TIPIN: variants seen among roughly 807,000 people sequenced by gnomAD.
TIPIN encodes the protein TIMELESS-interacting protein.
Under a neutral mutation model 35.6 loss-of-function variants are expected in TIPIN, and 29 were observed. The ratio of observed to expected loss-of-function variants is 0.82; its 90% CI spans 0.61 to 1.11. The LOEUF (loss-of-function observed/expected upper bound fraction) is 1.11. TIPIN is among the 50% of genes most tolerant of loss of function. TIPIN has a pLI of 0.00. For missense variants in TIPIN, 296 were observed against 345.4 expected (o/e 0.86, Z 1.13); for synonymous variants, 102 against 121.5 (o/e 0.84, Z 1.06).
intron 7 of TIPIN, among the ~76,000 whole-genome samples, chr15:66,340,284 TCTC>T (rs1202788737): frequency 6.8e-6 from 1 of 146,320 alleles, no homozygotes; most frequent in African/African-American, 2.5e-5. Flanking sequence ...TTCAAGCAAT[TCTC>T]CTGCCTCAGC....
intron 1 of TIPIN, among the ~76,000 whole-genome samples, chr15:66,386,070 G>T (rs1231757605): frequency 6.6e-6 from 1 of 152,144 alleles, no homozygotes; most frequent in Non-Finnish European, 1.5e-5. Context: ...CTCCTGGCCC[G>T]AAAGAGTGTT....
At chr15:66,374,752 T>C (rs567002345) in intron 1 of TIPIN, among the ~76,000 whole-genome samples, 72 of 152,252 alleles carry the variant, frequency 4.7e-4, no homozygotes, top group African/African-American at 1.6e-3. Flanking sequence ...GCTAATTTTT[T>C]TGTATTTTTA....
intron 1 of TIPIN, chr15:66,382,279 G>C (rs2093321360): frequency 1.1e-6 from 1 of 893,714 alleles, no homozygotes; most frequent in Non-Finnish European, 1.3e-6. Flanking sequence ...GGCAGAACTG[G>C]AATTAATCTC....
At chr15:66,364,181 T>C (rs1333610461) in intron 1 of TIPIN, among the ~76,000 whole-genome samples, 1 of 145,442 alleles carries the variant, frequency 6.9e-6, no homozygotes, top group Non-Finnish European at 1.5e-5. Context: ...TTTTTTTTTT[T>C]TGAGACAGAG....
Position 66,341,346 on chromosome 15 carries a change from C to T in TIPIN, c.486G>A (p.Ala162=), listed in dbSNP as rs763784155. ...AAGTGACATCATGTTCATTATTCTC[C>T]GCAACTTCATCTGCAATAGAAAAGA... ...EDFVSNNDEV[A]ENNEHDVTST... is the part of the protein sequence containing the mutation. Residue 162 remains alanine (A), a synonymous_variant, in exon 7 of 8, where the codon GCG becomes GCA. Transcript: ENST00000261881. 3.0e-5 allele frequency: 48 copies of T among 1,611,620 alleles called. No individual in the cohort carries two copies. Among genetic ancestry groups the T allele is most frequent in the Middle Eastern group, 1.6e-4 (1 of 6,074 alleles).
chr15:66,373,176 T>C (rs1345162179), intron 1 of TIPIN, among the ~76,000 whole-genome samples: 2 of 152,084 alleles, frequency 1.3e-5, no homozygotes, highest in African/African-American at 2.4e-5. Context: ...CATTATGCAA[T>C]ACATGACTGT....
intron 1 of TIPIN, among the ~76,000 whole-genome samples, chr15:66,365,281 TATACATA>T (rs71447900): frequency 0.079 from 12,084 of 152,006 alleles, 618 homozygotes; most frequent in Admixed American, 0.11. Flanking sequence ...CATAATACAT[TATACATA>T]ATACATAATA....
At chr15:66,344,560 G>A (rs977324481) in intron 6 of TIPIN, among the ~76,000 whole-genome samples, 1 of 152,026 alleles carries the variant, frequency 6.6e-6, no homozygotes, top group Non-Finnish European at 1.5e-5. Flanking sequence ...GGATTAAAAT[G>A]AGATTTAAAG....
intron 4 of TIPIN, 91 bp downstream of exon 4, chr15:66,351,433 TA>T: frequency 2.2e-6 from 2 of 924,226 alleles, no homozygotes; most frequent in Non-Finnish European, 3.5e-6. Flanking sequence ...GATAGTATCT[TA>T]AAGCATTCTG....
intron 1 of TIPIN, among the ~76,000 whole-genome samples, chr15:66,354,423 G>A (rs1296428049): frequency 2.6e-5 from 4 of 152,076 alleles, no homozygotes; most frequent in African/African-American, 9.7e-5. Flanking sequence ...CCTTGAATCT[G>A]TCTATTTCTC....
At chr15:66,356,840 G>T (rs2093207619), upstream of TIPIN, 1 of 512,800 alleles carries the variant, frequency 2.0e-6, no homozygotes, top group Non-Finnish European at 2.5e-6. Context: ...CACAATTTCC[G>T]CCCTACTGAA....
chr15:66,337,112 T>G lies in TIPIN; in HGVS notation c.752A>C (p.Glu251Ala), dbSNP rs1250395853. The change falls in exon 8 of 8, where the codon GAG (glutamate) becomes GCG (alanine). Residue 251 changes from glutamate (E) to alanine (A), a missense_variant. Glu to Ala is a moderately radical substitution (Grantham distance 107, BLOSUM62 -1). Transcript: ENST00000261881. ...EVNTDEDQKE[E>A]SNGLNEDILD... The stretch of plus-strand genomic sequence containing the variant: ...AATGTCTTCGTTTAATCCATTTGAC[T>G]CCTCCTTTTGATCCTCATCAGTATT... 4 of 1,614,068 alleles carry G rather than the reference T, an allele frequency of 2.5e-6. No homozygotes were observed. Among genetic ancestry groups the G allele is most frequent in the East Asian group, 2.2e-5 (1 of 44,864 alleles).
chr15:66,336,862 C>G lies in TIPIN; in HGVS notation c.*96G>C. On this transcript the variant is annotated 3_prime_UTR_variant, in exon 8 of 8. Transcript: ENST00000261881. ...TAAACAATAATCTATAACAGTTTTA[C>G]TATCTAAGGATTTTCACTCCAAGAA... 1 of 937,650 alleles carries G rather than the reference C, an allele frequency of 1.1e-6. No individual in the cohort carries two copies. The highest frequency in any genetic ancestry group is 1.6e-5 in the South Asian group (1 of 61,346). 58.1% of individuals were successfully genotyped at this position (937,650 alleles called of 1,614,324 possible).
At chr15:66,340,753 C>T (rs1482958070) in intron 7 of TIPIN, among the ~76,000 whole-genome samples, 1 of 151,634 alleles carries the variant, frequency 6.6e-6, no homozygotes, top group Non-Finnish European at 1.5e-5. Flanking sequence ...TGCACCACCA[C>T]ACCTGGCTAA....
chr15:66,344,815 T>C (rs1285873781), intron 6 of TIPIN, among the ~76,000 whole-genome samples: 1 of 152,048 alleles, frequency 6.6e-6, no homozygotes, highest in African/African-American at 2.4e-5. Context: ...GCTGCAGAGC[T>C]ATGATCATGC....
chr15:66,384,835 T>C (rs933987158), intron 1 of TIPIN, among the ~76,000 whole-genome samples: 1 of 151,894 alleles, frequency 6.6e-6, no homozygotes, highest in Non-Finnish European at 1.5e-5. Flanking sequence ...TCACTTGAGC[T>C]TGGGAGGTGG....
At chr15:66,347,380 T>C in intron 6 of TIPIN, 1 of 450,278 alleles carries the variant, frequency 2.2e-6, no homozygotes, top group South Asian at 1.6e-5. Flanking sequence ...AGAGCTGCGC[T>C]CCAAGTGAAA....
Position 66,352,112 on chromosome 15 carries a change from G to C in TIPIN, c.212+17C>G, listed in dbSNP as rs1333334870. On this transcript the variant is annotated intron_variant, in intron 3 of 7. Coordinates refer to ENST00000261881, the MANE Select transcript of TIPIN (RefSeq NM_017858.3). ...AAAAATAAAAAGTATAAATGTATAA[G>C]AATATAGTAAATGTACCTCTGAGCA... 6.4e-7 allele frequency: 1 copy of C among 1,554,656 alleles called. No individual in the cohort carries two copies. Among genetic ancestry groups the C allele is most frequent in the Non-Finnish European group, 8.8e-7 (1 of 1,138,360 alleles).
chr15:66,362,974 G>C (rs1275129719), intron 1 of TIPIN, among the ~76,000 whole-genome samples: 1 of 152,146 alleles, frequency 6.6e-6, no homozygotes, highest in Non-Finnish European at 1.5e-5. Flanking sequence ...GCCCAAACTG[G>C]CATGCCCAAA....
Sources: gnomAD v4.1 joint callset for allele counts (sites outside exome capture counted in the v4.1 genomes callset) on GRCh38, gnomAD v4.1.1 for gene constraint, MANE v1.5 for transcripts, NCBI Gene and HGNC (gene_info 2026-07-23, HGNC 2026-07-21) for gene names.